Variants in ZNF486 observed in about 807,000 individuals in gnomAD.
ZNF486 encodes zinc finger protein 486, also known as KRAB box only protein 2.
Under a neutral mutation model 12.8 loss-of-function variants are expected in ZNF486, and 12 were observed. That is an observed-to-expected ratio of 0.94 (90% confidence interval 0.60 to 1.52). The LOEUF is 1.52. Ranked by LOEUF, ZNF486 falls within the 40% of genes most tolerant of loss-of-function variation. The pLI, the probability that ZNF486 is intolerant of heterozygous loss-of-function variation, is 0.00. For missense variants in ZNF486, 738 were observed against 545.0 expected, an observed-to-expected ratio of 1.35 and a Z score of -3.53; for synonymous variants, 231 against 184.9, an observed-to-expected ratio of 1.25 and a Z score of -2.02.
chr19:20,180,760 G>A (rs562846040), intron 1 of ZNF486, among the ~76,000 whole-genome samples: 3 of 152,166 alleles, frequency 2.0e-5, no homozygotes, highest in Middle Eastern at 3.4e-3. Flanking sequence ...TCCTGACCTC[G>A]TGATCCACCC....
chr19:20,188,728 A>AT (rs1313365194), intron 3 of ZNF486: 4 of 338,164 alleles, frequency 1.2e-5, no homozygotes, highest in Non-Finnish European at 1.1e-5. Flanking sequence ...GACACTTTAC[A>AT]TCTTGTAAAA....
intron 1 of ZNF486, among the ~76,000 whole-genome samples, chr19:20,178,161 C>T (rs2089743708): frequency 6.6e-6 from 1 of 151,862 alleles, no homozygotes; most frequent in Non-Finnish European, 1.5e-5. Flanking sequence ...CTCTTGACCT[C>T]AGGTGATCCA....
intron 1 of ZNF486, among the ~76,000 whole-genome samples, chr19:20,172,161 G>T (rs2089655167): frequency 6.7e-6 from 1 of 150,072 alleles, no homozygotes; most frequent in Non-Finnish European, 1.5e-5. Flanking sequence ...GCACCACCAT[G>T]TCTAGCTAAT....
At chr19:20,185,128 T>G (rs2089828510) in intron 2 of ZNF486, among the ~76,000 whole-genome samples, 1 of 152,142 alleles carries the variant, frequency 6.6e-6, no homozygotes, top group South Asian at 2.1e-4. Flanking sequence ...ATAGGAAGTT[T>G]ATTGAATCTA....
At chr19:20,186,700 TAGG>T (rs782763656) in intron 3 of ZNF486, among the ~76,000 whole-genome samples, 3 of 151,968 alleles carry the variant, frequency 2.0e-5, no homozygotes, top group Non-Finnish European at 2.9e-5. Context: ...GCAATTTTGA[TAGG>T]AGGTTTATTG....
intron 3 of ZNF486, among the ~76,000 whole-genome samples, chr19:20,191,261 G>A (rs1289687206): frequency 1.3e-5 from 2 of 152,000 alleles, no homozygotes; most frequent in Admixed American, 6.6e-5. Flanking sequence ...CATGAGGTCA[G>A]GAGATCGAGA....
intron 1 of ZNF486, among the ~76,000 whole-genome samples, chr19:20,173,428 G>T (rs1287056615): frequency 6.6e-6 from 1 of 152,006 alleles, no homozygotes; most frequent in Non-Finnish European, 1.5e-5. Context: ...TGCACTCATG[G>T]ATTTTATATA....
chr19:20,186,169 T>A, intron 3 of ZNF486, 87 bp downstream of exon 3: 1 of 919,666 alleles, frequency 1.1e-6, no homozygotes, highest in Non-Finnish European at 1.6e-6. Flanking sequence ...AAATGTGATC[T>A]GGGAAGCTGT....
intron 3 of ZNF486, among the ~76,000 whole-genome samples, chr19:20,186,442 A>G (rs1325795565): frequency 6.6e-6 from 1 of 152,050 alleles, no homozygotes; most frequent in East Asian, 1.9e-4. Flanking sequence ...CCCTTTTTTA[A>G]GTTGTCTTTT....
intron 1 of ZNF486, chr19:20,176,121 G>T: frequency 5.5e-6 from 1 of 183,054 alleles, no homozygotes; most frequent in Non-Finnish European, 1.1e-5. Flanking sequence ...GGGCGGCCAG[G>T]CAGAGACGCT....
At chr19:20,194,846 A>G (rs2089942438) in intron 3 of ZNF486, among the ~76,000 whole-genome samples, 1 of 152,024 alleles carries the variant, frequency 6.6e-6, no homozygotes. Flanking sequence ...TTGCTTATAT[A>G]TGTGTTTGTT....
intron 1 of ZNF486, among the ~76,000 whole-genome samples, chr19:20,169,346 T>C (rs2089620995): frequency 6.6e-6 from 1 of 151,984 alleles, no homozygotes; most frequent in Admixed American, 6.6e-5. Context: ...CAACCTCAGG[T>C]GATCCATCCG....
At position 20,197,624 on chromosome 19, in the gene ZNF486, A is replaced by T. The variant is rs1231181489; in HGVS notation, c.914A>T (p.His305Leu). The T allele has an allele frequency of 2.5e-6, 4 of 1,613,706 alleles. No individual in the cohort carries two copies. Among genetic ancestry groups the T allele is most frequent in the East Asian group, 2.2e-5 (1 of 44,886 alleles). ...AAAGAATGTGACAAAGCTTTTAACCATCCTGCAACTCTTTCTTCACATAAG... is the reference window on the plus strand; with the variant it reads ...AAAGAATGTGACAAAGCTTTTAACCTTCCTGCAACTCTTTCTTCACATAAG... The part of the protein sequence containing the change: ...KCKECDKAFN[H>L]PATLSSHKKI... Residue 305 changes from histidine to leucine, a missense_variant, in exon 4 of 4, where the codon CAT (histidine) becomes CTT (leucine). Physicochemically the swap from His to Leu is moderately conservative, Grantham distance 99. Coordinates refer to ENST00000335117, the MANE Select transcript of ZNF486 (RefSeq NM_052852.4).
At chr19:20,176,970 T>A (rs1568318718) in intron 1 of ZNF486, 1 of 152,232 alleles carries the variant, frequency 6.6e-6, no homozygotes, top group Non-Finnish European at 1.5e-5. Context: ...TTGTCACCAT[T>A]ATAAGTAGAA....
intron 3 of ZNF486, among the ~76,000 whole-genome samples, chr19:20,190,869 C>T (rs1568325224): frequency 6.6e-6 from 1 of 152,128 alleles, no homozygotes; most frequent in Non-Finnish European, 1.5e-5. Flanking sequence ...AATAAATCTT[C>T]AATGTTGGAT....
intron 1 of ZNF486, among the ~76,000 whole-genome samples, chr19:20,170,576 G>GAA (rs1193135992): frequency 1.4e-5 from 2 of 145,554 alleles, no homozygotes; most frequent in Non-Finnish European, 3.0e-5. Flanking sequence ...TTCATCACAA[G>GAA]AAAAAAAAAA....
chr19:20,181,747 ATC>A (rs2089789828), intron 1 of ZNF486, among the ~76,000 whole-genome samples: 1 of 150,362 alleles, frequency 6.7e-6, no homozygotes, highest in African/African-American at 2.4e-5. Context: ...ATTCCTTTCT[ATC>A]TCTTTCATCT....
intron 1 of ZNF486, among the ~76,000 whole-genome samples, chr19:20,178,282 C>T (rs1461203338): frequency 6.6e-6 from 1 of 152,006 alleles, no homozygotes; most frequent in East Asian, 1.9e-4. Flanking sequence ...CACTCTGTCA[C>T]CCAGGCTGGA....
chr19:20,186,784 GTTTTTTTT>G (rs57907168), intron 3 of ZNF486, among the ~76,000 whole-genome samples: 2 of 122,482 alleles, frequency 1.6e-5, no homozygotes, highest in Non-Finnish European at 3.3e-5. Flanking sequence ...ATTTTCATAG[GTTTTTTTT>G]TTTTTTTTTG....
Sources: gnomAD v4.1 joint callset for allele counts (sites outside exome capture counted in the v4.1 genomes callset) on GRCh38, gnomAD v4.1.1 for gene constraint, MANE v1.5 for transcripts, NCBI Gene and HGNC (gene_info 2026-07-23, HGNC 2026-07-21) for gene names.